The following SELENOO variants were observed in gnomAD, a reference collection of about 807,000 sequenced individuals.
SELENOO encodes selenoprotein O.
In SELENOO, 74 loss-of-function variants were observed where a neutral mutation model predicts 58.7. That is an observed-to-expected ratio of 1.26 (90% CI 1.04 to 1.53). The LOEUF is 1.53. Among genes scored for constraint, SELENOO ranks in the 40% most tolerant of loss-of-function variants. SELENOO has a pLI of 0.00. For synonymous variants in SELENOO, 543 were observed against 453.2 expected (o/e 1.20, Z -2.52); for missense variants, 1,149 against 970.0 (o/e 1.18, Z -2.45).
chr22:50,217,102 G>A lies in SELENOO; in HGVS notation c.1819G>A (p.Ala607Thr). The change falls in exon 8 of 9, where the codon GCT (alanine) becomes ACT (threonine). Residue 607 changes from alanine (A) to threonine (T), a missense_variant. Ala to Thr is a moderately conservative substitution (Grantham distance 58). Transcript: ENST00000380903. The part of the protein sequence containing the change: ...RNYIAQNAIE[A>T]AERGDFSEVR... ...CTACATCGCGCAGAATGCCATCGAG[G>A]CTGCCGAGCGCGGGGACTTCTCAGA... The A allele has an allele frequency of 6.2e-7, 1 of 1,612,996 alleles. No homozygotes were observed. The highest frequency in any genetic ancestry group is 8.5e-7 in the Non-Finnish European group (1 of 1,179,920).
chr22:50,217,505 C>T lies in SELENOO; in HGVS notation c.*136C>T, dbSNP rs574088170. On this transcript the variant is annotated 3_prime_UTR_variant, in exon 9 of 9. Transcript: ENST00000380903. ...ATGCACACCCGTCTTTCCATGATGG[C>T]AGAGACATCCAGTCAGGACCTGACC... is the stretch of plus-strand genomic sequence containing the variant. The T allele has an allele frequency of 1.6e-5, 18 of 1,160,144 alleles. 1 individual carries two copies. The African/African-American group carries it at 2.5e-4, about 16-fold the overall frequency. 71.9% of individuals were successfully genotyped at this position (1,160,144 alleles called of 1,614,324 possible). A position where few individuals can be genotyped will look rare whatever the true frequency, so the allele number is the denominator to read the frequency against.
At position 50,217,360 on chromosome 22, in the gene SELENOO, ATCT is replaced by A. The variant is rs769999279; in HGVS notation, c.2004_2006del (p.Ser669del). ...GGGCAGCAGAACTGTGCGTGACATG[ATCT>A]TCGTAACGGCCTCGGCACGCTCCAC... On this transcript the variant is annotated inframe_deletion, in exon 9 of 9. Coordinates refer to ENST00000380903, the MANE Select transcript of SELENOO (RefSeq NM_031454.2). The A allele has an allele frequency of 9.3e-6, 15 of 1,612,516 alleles. No homozygotes were observed. The Admixed American group carries it at 2.5e-4, about 27-fold the overall frequency.
At position 50,208,722 on chromosome 22, in the gene SELENOO, T is replaced by G; in HGVS notation, c.939+6T>G. On this transcript the variant is annotated splice_donor_region_variant and intron_variant, in intron 3 of 8. Transcript: ENST00000380903. ...ATGCTGCCTTCTTCCGGGAGGTCAG[T>G]GGGCCGCACGCCACCCCTCCCTGCG... 6.2e-7 allele frequency: 1 copy of G among 1,609,496 alleles called. No individual in the cohort carries two copies. The highest frequency in any genetic ancestry group is 2.2e-5 in the East Asian group (1 of 44,798).
At position 50,201,045 on chromosome 22, in the gene SELENOO, A is replaced by G. The variant is rs1317767569; in HGVS notation, c.9A>G (p.Val3=). The change falls in exon 1 of 9, where the codon GTA becomes GTG. Residue 3 remains valine, a synonymous_variant. Transcript: ENST00000380903. MA[V]YRAALGASLA... is the part of the protein sequence containing the mutation. ...CGGGAGCGGGGCCGCGGATGGCCGTATACAGGGCAGCGCTCGGGGCTTCGC... is the reference window on the plus strand; with the variant it reads ...CGGGAGCGGGGCCGCGGATGGCCGTGTACAGGGCAGCGCTCGGGGCTTCGC... 4.6e-6 allele frequency: 6 copies of G among 1,317,222 alleles called. No homozygotes were observed. Among genetic ancestry groups the G allele is most frequent in the Non-Finnish European group, 5.8e-6 (6 of 1,035,622 alleles). The allele number at this position is 1,317,222 out of a possible 1,614,324, so 81.6% of individuals were successfully genotyped here. A position where few individuals can be genotyped will look rare whatever the true frequency, so the allele number is the denominator to read the frequency against.
rs1183934295 is a variant in SELENOO, at chr22:50,210,905, C to G, written c.1345C>G (p.Leu449Val). ...GTCCAAGCTCCTGGAGACCATGCAT[C>G]TGACCGGTGAGTGACCCAGCCGTGC... is the stretch of plus-strand genomic sequence containing the variant. The part of the protein sequence containing the change: ...LVSKLLETMH[L>V]TGADFTNTFY... Residue 449 changes from leucine (L) to valine (V), a missense_variant, in exon 5 of 9, where the codon CTG becomes GTG. Physicochemically the swap from Leu to Val is conservative, Grantham distance 32. Coordinates refer to ENST00000380903, the MANE Select transcript of SELENOO (RefSeq NM_031454.2). 1 of 1,614,042 alleles carries G rather than the reference C, an allele frequency of 6.2e-7. No homozygotes were observed. The highest frequency in any genetic ancestry group is 8.5e-7 in the Non-Finnish European group (1 of 1,180,026).
chr22:50,210,164 A>G lies in SELENOO; in HGVS notation c.940-17A>G. The G allele has an allele frequency of 6.2e-7, 1 of 1,610,628 alleles. No homozygotes were observed. The highest frequency in any genetic ancestry group is 8.5e-7 in the Non-Finnish European group (1 of 1,178,332). On this transcript the variant is annotated splice_polypyrimidine_tract_variant and intron_variant, in intron 3 of 8. Coordinates refer to ENST00000380903, the MANE Select transcript of SELENOO (RefSeq NM_031454.2). Reference sequence around the variant, plus strand: ...GCAGGACCCCGAGGAGGGAGCAAGCACACTGTCCCACCCCAGGTGACGCGG... The same window carrying G: ...GCAGGACCCCGAGGAGGGAGCAAGCGCACTGTCCCACCCCAGGTGACGCGG...
At chr22:50,202,273 C>G (rs2064307751) in intron 1 of SELENOO, among the ~76,000 whole-genome samples, 1 of 152,196 alleles carries the variant, frequency 6.6e-6, no homozygotes, top group African/African-American at 2.4e-5. Flanking sequence ...CCGGCCCCTC[C>G]CTGTGCTCTC....
intron 5 of SELENOO, among the ~76,000 whole-genome samples, chr22:50,212,299 TCAGTCTC>T (rs893905670): frequency 6.6e-6 from 1 of 152,244 alleles, no homozygotes; most frequent in African/African-American, 2.4e-5. Flanking sequence ...TGATTACTGA[TCAGTCTC>T]CTTGCTTGCC....
intron 5 of SELENOO, among the ~76,000 whole-genome samples, chr22:50,214,160 G>A (rs1602495488): frequency 6.6e-6 from 1 of 152,052 alleles, no homozygotes; most frequent in Non-Finnish European, 1.5e-5. Flanking sequence ...TTTGTTGAGG[G>A]TGGATGTGTC....
chr22:50,201,304 C>A lies in SELENOO; in HGVS notation c.268C>A (p.Leu90Met). 1 of 1,108,824 alleles carries A rather than the reference C, an allele frequency of 9.0e-7. No homozygotes were observed. The highest frequency in any genetic ancestry group is 1.1e-6 in the Non-Finnish European group (1 of 911,904). The allele number at this position is 1,108,824 out of a possible 1,614,324, so 68.7% of individuals were successfully genotyped here. ...CTTCACCCGCGTGCAGCCCACCCCG[C>A]TGCGGCAGCCGCGCCTCGTGGCGCT... ...ACFTRVQPTP[L>M]RQPRLVALSE... Residue 90 changes from leucine to methionine, a missense_variant, in exon 1 of 9, where the codon CTG becomes ATG. Coordinates refer to ENST00000380903, the MANE Select transcript of SELENOO (RefSeq NM_031454.2).
intron 1 of SELENOO, among the ~76,000 whole-genome samples, chr22:50,204,113 G>A (rs1194442304): frequency 1.3e-5 from 2 of 152,202 alleles, no homozygotes; most frequent in Non-Finnish European, 2.9e-5. Flanking sequence ...CAATCATTAG[G>A]GAAATGCAAA....
intron 7 of SELENOO, 30 bp downstream of exon 7, chr22:50,216,906 A>T: frequency 6.2e-7 from 1 of 1,602,138 alleles, no homozygotes; most frequent in South Asian, 1.1e-5. Flanking sequence ...TCACCGGGGG[A>T]CGGCGGGTCG....
intron 1 of SELENOO, among the ~76,000 whole-genome samples, chr22:50,204,401 C>T (rs1038283176): frequency 4.6e-5 from 7 of 151,938 alleles, no homozygotes; most frequent in African/African-American, 1.7e-4. Flanking sequence ...CTGAGGTGGG[C>T]GGATCATTTG....
At chr22:50,209,998 C>T (rs887646894) in intron 3 of SELENOO, among the ~76,000 whole-genome samples, 183 bp from the exon 4 acceptor site, 1 of 152,228 alleles carries the variant, frequency 6.6e-6, no homozygotes, top group African/African-American at 2.4e-5. Flanking sequence ...GTGAGTGCAA[C>T]GCACTCTTCA....
chr22:50,215,667 A>T, intron 5 of SELENOO, 50 bp from the exon 6 acceptor site: 1 of 1,351,916 alleles, frequency 7.4e-7, no homozygotes, highest in South Asian at 1.3e-5. Flanking sequence ...GCACCAGGAC[A>T]GGGACCCTGG....
At position 50,214,260 on chromosome 22, in the gene SELENOO, G is replaced by T. The variant is rs146509564; in HGVS notation, c.1352-1457G>T. 1.6e-3 allele frequency among the ~76,000 whole-genome samples: 251 copies of T among 152,298 alleles called. 1 individual carries two copies. The highest frequency in any genetic ancestry group is 2.7e-3 in the Non-Finnish European group (186 of 68,022). On this transcript the variant is annotated intron_variant, in intron 5 of 8. Coordinates refer to ENST00000380903, the MANE Select transcript of SELENOO (RefSeq NM_031454.2). The stretch of plus-strand genomic sequence containing the variant: ...GTGCTCTAGTTATCCTCCTGCCTCA[G>T]CCTACCAAGTAGCTGGGATTACAGG...
At chr22:50,204,054 C>T (rs909297177) in intron 1 of SELENOO, among the ~76,000 whole-genome samples, 3 of 152,118 alleles carry the variant, frequency 2.0e-5, no homozygotes, top group Non-Finnish European at 2.9e-5. Flanking sequence ...AAAGATGTGG[C>T]CAATAAGCAC....
intron 3 of SELENOO, 86 bp downstream of exon 3, chr22:50,208,802 G>C: frequency 7.4e-7 from 1 of 1,356,472 alleles, no homozygotes. Context: ...TTGGCCGGGG[G>C]ACAAAGGCTT....
At chr22:50,215,635 TGGGGGGGGG>T (rs10605825) in intron 5 of SELENOO, 73 bp from the exon 6 acceptor site, 2 of 892,014 alleles carry the variant, frequency 2.2e-6, no homozygotes, top group East Asian at 3.4e-5. Flanking sequence ...GCCAGGGGGG[TGGGGGGGGG>T]GGGGTCTGTG....
Sources: gnomAD v4.1 joint callset for allele counts (sites outside exome capture counted in the v4.1 genomes callset) on GRCh38, gnomAD v4.1.1 for gene constraint, MANE v1.5 for transcripts, NCBI Gene and HGNC (gene_info 2026-07-23, HGNC 2026-07-21) for gene names.